FNDC3A: variants seen among roughly 807,000 people sequenced by gnomAD.
FNDC3A encodes the protein fibronectin type-III domain-containing protein 3A.
A neutral mutation model predicts 148.9 loss-of-function variants in FNDC3A; 32 were observed. That is an observed-to-expected ratio of 0.21 (90% CI 0.16 to 0.29). The LOEUF is 0.29. Ranked by LOEUF, FNDC3A falls within the 10% of genes least tolerant of loss-of-function variation. FNDC3A has a pLI of 1.00. For missense variants in FNDC3A, 1,191 were observed against 1,452.8 expected (o/e 0.82, Z 2.93); for synonymous variants, 472 against 473.6 (o/e 1.00, Z 0.04).
intron 2 of FNDC3A, among the ~76,000 whole-genome samples, chr13:49,065,225 T>A (rs1350100955): frequency 6.6e-6 from 1 of 152,142 alleles, no homozygotes; most frequent in African/African-American, 2.4e-5. Context: ...TCTCTCCCCA[T>A]CTCTGTGGCA....
At chr13:49,168,301 A>G (rs1284430674) in intron 9 of FNDC3A, among the ~76,000 whole-genome samples, 2 of 152,214 alleles carry the variant, frequency 1.3e-5, no homozygotes, top group African/African-American at 4.8e-5. Context: ...GCATTTTTTA[A>G]AAAAGAGAAA....
At chr13:49,187,432 C>G in intron 16 of FNDC3A, 1 of 1,147,450 alleles carries the variant, frequency 8.7e-7, no homozygotes, top group Non-Finnish European at 1.3e-6. Context: ...GAGGCTGTAC[C>G]TCTTAAAATG....
At chr13:49,006,536 T>C (rs1952223799) in intron 2 of FNDC3A, among the ~76,000 whole-genome samples, 1 of 152,026 alleles carries the variant, frequency 6.6e-6, no homozygotes, top group Admixed American at 6.6e-5. Flanking sequence ...GTTTTTGTTT[T>C]CCTTTAGACA....
chr13:49,114,420 CCA>C (rs1880793410), intron 3 of FNDC3A, among the ~76,000 whole-genome samples: 2 of 151,280 alleles, frequency 1.3e-5, no homozygotes, highest in African/African-American at 4.9e-5. Context: ...TCCCCGCCCC[CCA>C]CCACCCCTAC....
intron 24 of FNDC3A, among the ~76,000 whole-genome samples, chr13:49,202,448 C>A (rs1392109864): frequency 6.6e-6 from 1 of 152,090 alleles, no homozygotes; most frequent in African/African-American, 2.4e-5. Context: ...ATACATTTAT[C>A]TTTTAATTTT....
intron 1 of FNDC3A, among the ~76,000 whole-genome samples, chr13:48,982,740 T>C (rs1474404435): frequency 6.6e-6 from 1 of 152,200 alleles, no homozygotes; most frequent in African/African-American, 2.4e-5. Context: ...CTTACCTCTT[T>C]ACAACTTTGT....
At chr13:49,130,455 C>T (rs1256210667) in intron 4 of FNDC3A, among the ~76,000 whole-genome samples, 1 of 152,010 alleles carries the variant, frequency 6.6e-6, no homozygotes, top group Non-Finnish European at 1.5e-5. Context: ...CTTTCCACAA[C>T]TTGTTTTCCC....
At chr13:49,171,014 T>A (rs1231282814) in intron 10 of FNDC3A, among the ~76,000 whole-genome samples, 1 of 152,162 alleles carries the variant, frequency 6.6e-6, no homozygotes. Flanking sequence ...CTCTATATCA[T>A]AAGAGCTGGA....
intron 1 of FNDC3A, among the ~76,000 whole-genome samples, chr13:48,985,187 A>G (rs1365290120): frequency 6.6e-6 from 1 of 152,234 alleles, no homozygotes; most frequent in Non-Finnish European, 1.5e-5. Flanking sequence ...AGGTGTACCT[A>G]CAAATCAATA....
Position 49,032,091 on chromosome 13 carries a change from A to G in FNDC3A, c.99+25802A>G, listed in dbSNP as rs993555417. ...AAATGCAAATCAAAACCACAATGAG[A>G]TACTGCTTCACACCCATTATAATGG... is the stretch of plus-strand genomic sequence containing the variant. On this transcript the variant is annotated intron_variant, in intron 2 of 25. Coordinates refer to ENST00000492622, the MANE Select transcript of FNDC3A (RefSeq NM_001079673.2). 3.9e-5 allele frequency among the ~76,000 whole-genome samples: 6 copies of G among 152,344 alleles called. No homozygotes were observed. The South Asian group carries it at 1.2e-3, about 32-fold the overall frequency.
intron 1 of FNDC3A, among the ~76,000 whole-genome samples, chr13:48,980,610 A>G (rs1951677393): frequency 6.6e-6 from 1 of 152,186 alleles, no homozygotes; most frequent in Non-Finnish European, 1.5e-5. Context: ...GGATATAAGT[A>G]TCAGCTGTTT....
chr13:49,187,016 GATT>G, intron 15 of FNDC3A, 103 bp from the exon 16 acceptor site: 1 of 687,394 alleles, frequency 1.5e-6, no homozygotes, highest in South Asian at 2.2e-5. Context: ...CATTGCAGGT[GATT>G]TTTTTTTTTT....
chr13:49,193,121 C>T (rs953266183), intron 19 of FNDC3A, among the ~76,000 whole-genome samples: 1 of 152,170 alleles, frequency 6.6e-6, no homozygotes, highest in Non-Finnish European at 1.5e-5. Context: ...AAGTTTCTAT[C>T]ATTTAGTGGC....
At chr13:49,090,476 C>T (rs1879114512) in intron 3 of FNDC3A, among the ~76,000 whole-genome samples, 1 of 152,080 alleles carries the variant, frequency 6.6e-6, no homozygotes. Flanking sequence ...GGGGTCTGTG[C>T]TTTGACCTCT....
intron 2 of FNDC3A, among the ~76,000 whole-genome samples, chr13:49,057,382 A>G (rs1361251700): frequency 6.6e-6 from 1 of 152,088 alleles, no homozygotes; most frequent in East Asian, 1.9e-4. Flanking sequence ...TTTATCTCCT[A>G]TTTCTTAACG....
chr13:48,982,888 A>C (rs563552658), intron 1 of FNDC3A, among the ~76,000 whole-genome samples: 1 of 152,298 alleles, frequency 6.6e-6, no homozygotes, highest in African/African-American at 2.4e-5. Context: ...GTGTAGTAAT[A>C]ATAGTAGCTA....
chr13:49,001,303 A>C (rs990742379), intron 1 of FNDC3A, among the ~76,000 whole-genome samples: 9 of 152,212 alleles, frequency 5.9e-5, no homozygotes, highest in Admixed American at 5.9e-4. Flanking sequence ...TTAATCTCTT[A>C]ATCCCATCAT....
At chr13:49,052,306 G>A (rs751098219) in intron 2 of FNDC3A, among the ~76,000 whole-genome samples, 4 of 152,182 alleles carry the variant, frequency 2.6e-5, no homozygotes, top group Non-Finnish European at 5.9e-5. Flanking sequence ...CATTGGGGTA[G>A]ACTATGTCAG....
chr13:49,034,850 A>G (rs1292345013), intron 2 of FNDC3A, among the ~76,000 whole-genome samples: 6 of 152,068 alleles, frequency 3.9e-5, no homozygotes, highest in African/African-American at 7.2e-5. Context: ...ACTCAATCCT[A>G]AAATGAACAA....
Sources: allele counts gnomAD v4.1 joint callset (sites outside exome capture counted in the v4.1 genomes callset), GRCh38; gene constraint gnomAD v4.1.1; transcripts MANE v1.5; gene names NCBI Gene and HGNC (gene_info 2026-07-23, HGNC 2026-07-21).